The following IBTK variants were observed in gnomAD, a reference collection of about 807,000 sequenced individuals.
The protein encoded by IBTK is inhibitor of Bruton tyrosine kinase, also known as BTK-binding protein.
A neutral mutation model predicts 154.9 loss-of-function variants in IBTK; 83 were observed. The ratio of observed to expected loss-of-function variants is 0.54; its 90% CI spans 0.45 to 0.64. IBTK has a LOEUF of 0.64. Ranked by LOEUF, IBTK falls within the 30% of genes least tolerant of loss-of-function variation. The pLI is 0.00. For synonymous variants in IBTK, 515 were observed against 536.1 expected (o/e 0.96, Z 0.54); for missense variants, 1,332 against 1,584.6 (o/e 0.84, Z 2.71).
Position 82,210,813 on chromosome 6 carries a change from C to T in IBTK, c.2509+1G>A. ...TACAATGTCCTAACTCTTATTAATACCTTTTATCACCACAGCTTCATCAGT... is the reference window on the plus strand; with the variant it reads ...TACAATGTCCTAACTCTTATTAATATCTTTTATCACCACAGCTTCATCAGT... On this transcript the variant is annotated splice_donor_variant, in intron 16 of 28. Coordinates refer to ENST00000306270, the MANE Select transcript of IBTK (RefSeq NM_015525.4). LOFTEE classifies it high-confidence loss of function. 7.3e-7 allele frequency: 1 copy of T among 1,376,310 alleles called. No individual in the cohort carries two copies. Among genetic ancestry groups the T allele is most frequent in the South Asian group, 1.4e-5 (1 of 71,484 alleles). The allele number at this position is 1,376,310 out of a possible 1,614,324, so 85.3% of individuals were successfully genotyped here. A position where few individuals can be genotyped will look rare whatever the true frequency, so the allele number is the denominator to read the frequency against.
At chr6:82,172,180 T>A (rs907939877) in intron 28 of IBTK, among the ~76,000 whole-genome samples, 200 bp downstream of exon 28, 1 of 152,182 alleles carries the variant, frequency 6.6e-6, no homozygotes, top group African/African-American at 2.4e-5. Context: ...TCATAATTTA[T>A]TAGTCATAAA....
intron 24 of IBTK, chr6:82,191,453 T>A: frequency 1.8e-6 from 1 of 562,882 alleles, no homozygotes; most frequent in Admixed American, 3.3e-5. Context: ...AATAGCTACA[T>A]ATGAGCCCTC....
chr6:82,240,029 C>T (rs369082947), intron 2 of IBTK, 137 bp downstream of exon 2: 1 of 644,638 alleles, frequency 1.6e-6, no homozygotes, highest in Non-Finnish European at 2.6e-6. Flanking sequence ...TTCCAAAGAT[C>T]AGTTACAGTA....
At chr6:82,178,456 C>T (rs1447171072) in intron 26 of IBTK, among the ~76,000 whole-genome samples, 6 of 152,022 alleles carry the variant, frequency 3.9e-5, no homozygotes, top group Non-Finnish European at 7.4e-5. Context: ...ATATCTAAGA[C>T]ATGCAATATA....
At chr6:82,207,113 AG>A (rs1178010774) in intron 16 of IBTK, among the ~76,000 whole-genome samples, 9 of 152,136 alleles carry the variant, frequency 5.9e-5, no homozygotes, top group Admixed American at 3.9e-4. Context: ...AAAGAAATAA[AG>A]CACACCCAAA....
At chr6:82,216,312 G>A in intron 10 of IBTK, 62 bp from the exon 11 acceptor site, 1 of 1,042,580 alleles carries the variant, frequency 9.6e-7, no homozygotes, top group East Asian at 2.5e-5. Flanking sequence ...AAATGATTGA[G>A]AAGTAAATGG....
intron 26 of IBTK, among the ~76,000 whole-genome samples, chr6:82,180,917 ATTTTG>A (rs1768297504): frequency 6.6e-6 from 1 of 151,836 alleles, no homozygotes; most frequent in Non-Finnish European, 1.5e-5. Flanking sequence ...TATCTTACTT[ATTTTG>A]TTTTGTTTTG....
intron 4 of IBTK, among the ~76,000 whole-genome samples, chr6:82,230,062 T>C (rs1770450579): frequency 6.6e-6 from 1 of 152,122 alleles, no homozygotes; most frequent in Non-Finnish European, 1.5e-5. Flanking sequence ...ACAATTACAC[T>C]AGGAAAATAA....
intron 4 of IBTK, among the ~76,000 whole-genome samples, chr6:82,227,988 A>C (rs973002331): frequency 2.6e-5 from 4 of 152,070 alleles, no homozygotes; most frequent in Admixed American, 1.3e-4. Context: ...AAAGATACTG[A>C]AACAGTTGAA....
chr6:82,208,677 G>A (rs749492803), intron 16 of IBTK, among the ~76,000 whole-genome samples: 3 of 152,064 alleles, frequency 2.0e-5, no homozygotes, highest in Non-Finnish European at 2.9e-5. Flanking sequence ...TCAGGACGCC[G>A]AGGCTGCAGT....
chr6:82,238,038 G>T (rs1770796758), intron 2 of IBTK, among the ~76,000 whole-genome samples: 1 of 152,088 alleles, frequency 6.6e-6, no homozygotes, highest in Non-Finnish European at 1.5e-5. Flanking sequence ...GAGATCAGGA[G>T]TTCAAGACCA....
chr6:82,221,221 G>T (rs1221781191), intron 8 of IBTK, among the ~76,000 whole-genome samples: 2 of 152,152 alleles, frequency 1.3e-5, no homozygotes, highest in Non-Finnish European at 2.9e-5. Context: ...CTACTCGGGA[G>T]GGTGAGGGAG....
chr6:82,184,573 C>T lies in IBTK; in HGVS notation c.3576-2545G>A, dbSNP rs910015620. Among the ~76,000 whole-genome samples the T allele has an allele frequency of 2.6e-5, 4 of 152,124 alleles. No individual in the cohort carries two copies. In the East Asian group the frequency reaches 7.7e-4, roughly 29 times the overall value. Reference sequence around the variant, plus strand: ...TTTTCACATTAAATTTAAAATTTGCCTGGTTGGAACTTCAATCTAATGCAA... The same window carrying T: ...TTTTCACATTAAATTTAAAATTTGCTTGGTTGGAACTTCAATCTAATGCAA... On this transcript the variant is annotated intron_variant, in intron 25 of 28. Coordinates refer to ENST00000306270, the MANE Select transcript of IBTK (RefSeq NM_015525.4).
At chr6:82,237,616 ATAG>A (rs1280178973) in intron 2 of IBTK, among the ~76,000 whole-genome samples, 1 of 149,078 alleles carries the variant, frequency 6.7e-6, no homozygotes, top group African/African-American at 2.5e-5. Flanking sequence ...GTACTAGAAG[ATAG>A]TAGTAGTAGT....
chr6:82,180,305 G>A (rs559020397), intron 26 of IBTK, among the ~76,000 whole-genome samples: 1 of 152,180 alleles, frequency 6.6e-6, no homozygotes, highest in East Asian at 1.9e-4. Flanking sequence ...GAGTGCAGTG[G>A]CACAATCATG....
intron 1 of IBTK, among the ~76,000 whole-genome samples, chr6:82,244,689 G>A (rs536473418): frequency 2.4e-4 from 37 of 152,220 alleles, no homozygotes; most frequent in African/African-American, 8.9e-4. Context: ...TATTTCCAAT[G>A]CCTATTGTAC....
chr6:82,178,253 G>C (rs1768187831), intron 26 of IBTK, among the ~76,000 whole-genome samples: 1 of 152,090 alleles, frequency 6.6e-6, no homozygotes, highest in Non-Finnish European at 1.5e-5. Context: ...CAGTATAACA[G>C]GGCACACTTA....
Position 82,196,393 on chromosome 6 carries a change from T to C in IBTK, c.3079A>G (p.Thr1027Ala). 1 of 1,612,668 alleles carries C rather than the reference T, an allele frequency of 6.2e-7. No individual in the cohort carries two copies. Among genetic ancestry groups the C allele is most frequent in the Non-Finnish European group, 8.5e-7 (1 of 1,179,040 alleles). Reference protein sequence around the residue: ...NSVESLPELLTSDSEGSYAGV... With the variant: ...NSVESLPELLASDSEGSYAGV... ...GCATAGCTTCCTTCAGAGTCTGATG[T>C]CAACAGTTCTGGAAGAGATTCCACA... Residue 1027 changes from threonine to alanine, a missense_variant, in exon 22 of 29, where the codon ACA (threonine) becomes GCA (alanine). Thr to Ala is a moderately conservative substitution (Grantham distance 58, BLOSUM62 0). Transcript: ENST00000306270.
In IBTK at chr6:82,231,751, A is replaced by T. The variant is rs1254379480; in HGVS notation, c.510T>A (p.Asp170Glu). ...TATAAATCCCACTCCTGGAGAACAG[A>T]TCCACCAACTCTGGATGATGTTTGC... is the stretch of plus-strand genomic sequence containing the variant. The part of the protein sequence containing the change: ...QNSKHHPELV[D>E]LFSRSGIYIK... Residue 170 changes from aspartate (D) to glutamate (E), a missense_variant, in exon 4 of 29, where the codon GAT becomes GAA. By Grantham distance (45) the Asp-to-Glu change is conservative. Transcript: ENST00000306270. 3 of 1,609,762 alleles carry T rather than the reference A, an allele frequency of 1.9e-6. No individual in the cohort carries two copies. Among genetic ancestry groups the T allele is most frequent in the Middle Eastern group, 3.3e-4 (2 of 6,050 alleles).
Sources: gnomAD v4.1 joint callset for allele counts (sites outside exome capture counted in the v4.1 genomes callset) on GRCh38, gnomAD v4.1.1 for gene constraint, MANE v1.5 for transcripts, NCBI Gene and HGNC (gene_info 2026-07-23, HGNC 2026-07-21) for gene names.